Variants in NOS1AP observed in about 807,000 individuals in gnomAD.
The protein encoded by NOS1AP is nitric oxide synthase 1 adaptor protein, also known as carboxyl-terminal PDZ ligand of neuronal nitric oxide synthase protein.
A neutral mutation model predicts 56.2 loss-of-function variants in NOS1AP; 21 were observed. The ratio of observed to expected loss-of-function variants is 0.37; its 90% CI spans 0.26 to 0.54. The LOEUF is 0.54. Among genes scored for constraint, NOS1AP ranks in the 20% least tolerant of loss-of-function variants. NOS1AP has a pLI of 0.84. For synonymous variants in NOS1AP, 270 were observed against 274.6 expected (o/e 0.98, Z 0.17); for missense variants, 522 against 657.8 (o/e 0.79, Z 2.26).
rs1016398400 is a variant in NOS1AP at position 162,191,015 on chromosome 1, C to T, written c.177+36539C>T. On this transcript the variant is annotated intron_variant, in intron 2 of 9. Coordinates refer to ENST00000361897, the MANE Select transcript of NOS1AP (RefSeq NM_014697.3). ...TTTTCCAGAAGCAATGGCTCCCTAT[C>T]GTGTTACTTTTCTAGAGTCCTGAAT... is the stretch of plus-strand genomic sequence containing the variant. 5.9e-5 allele frequency among the ~76,000 whole-genome samples: 9 copies of T among 152,064 alleles called. 1 individual carries two copies. In the South Asian group the frequency reaches 1.7e-3, roughly 28 times the overall value.
intron 2 of NOS1AP, among the ~76,000 whole-genome samples, chr1:162,243,537 T>A (rs1174580010): frequency 6.6e-6 from 1 of 152,180 alleles, no homozygotes; most frequent in East Asian, 1.9e-4. Flanking sequence ...TCCTTTCAAA[T>A]CGGTCTGCCT....
intron 2 of NOS1AP, among the ~76,000 whole-genome samples, chr1:162,239,610 G>A (rs758431314): frequency 2.2e-4 from 34 of 152,244 alleles, no homozygotes; most frequent in Middle Eastern, 3.4e-3. Flanking sequence ...CCAAGTGCTG[G>A]GCTGTGAGTC....
chr1:162,135,048 C>A (rs1387836639), intron 1 of NOS1AP, among the ~76,000 whole-genome samples: 1 of 152,198 alleles, frequency 6.6e-6, no homozygotes, highest in Non-Finnish European at 1.5e-5. Context: ...CCTTCAAGTT[C>A]AAAAATTATC....
intron 8 of NOS1AP, among the ~76,000 whole-genome samples, chr1:162,362,106 TG>T (rs1657923654): frequency 6.6e-6 from 1 of 152,198 alleles, no homozygotes; most frequent in East Asian, 1.9e-4. Context: ...GCTCCTGGTC[TG>T]GTGCATTCAA....
rs1426113310 is a variant in NOS1AP at position 162,365,487 on chromosome 1, G to A, written c.1023G>A (p.Gln341=). ...AQARVHQLLL[Q]NKDMLQHISL... Reference sequence around the variant, plus strand: ...CTCGCGTGCATCAGCTTTTGCTGCAGAACAAGGACATGCTCCAGCACATCT... The same window carrying A: ...CTCGCGTGCATCAGCTTTTGCTGCAAAACAAGGACATGCTCCAGCACATCT... Residue 341 remains glutamine (Q), a synonymous_variant, in exon 9 of 10, where the codon CAG becomes CAA. Transcript: ENST00000361897. 30 of 1,613,846 alleles carry A rather than the reference G, an allele frequency of 1.9e-5. No individual in the cohort carries two copies. In the Admixed American group the frequency reaches 4.7e-4, roughly 25 times the overall value.
In NOS1AP at chr1:162,339,287, A is replaced by G. The variant is rs532500873; in HGVS notation, c.454-4548A>G. 2.6e-5 allele frequency among the ~76,000 whole-genome samples: 4 copies of G among 152,316 alleles called. No homozygotes were observed. In the South Asian group the frequency reaches 8.3e-4, roughly 32 times the overall value. ...CCACAAATGCTTTTGGGCTGCTAATAGAAAATGGCTTTTGGACGAGAAGAT... is the reference window on the plus strand; with the variant it reads ...CCACAAATGCTTTTGGGCTGCTAATGGAAAATGGCTTTTGGACGAGAAGAT... On this transcript the variant is annotated intron_variant, in intron 5 of 9. Coordinates refer to ENST00000361897, the MANE Select transcript of NOS1AP (RefSeq NM_014697.3).
At chr1:162,191,737 T>C (rs1651653985) in intron 2 of NOS1AP, among the ~76,000 whole-genome samples, 1 of 141,970 alleles carries the variant, frequency 7.0e-6, no homozygotes, top group Non-Finnish European at 1.6e-5. Context: ...AGTTGACCTC[T>C]TTGTGTTTGT....
intron 2 of NOS1AP, among the ~76,000 whole-genome samples, chr1:162,198,129 G>A (rs1174310961): frequency 6.6e-6 from 1 of 152,218 alleles, no homozygotes; most frequent in East Asian, 1.9e-4. Context: ...GATGGGCACA[G>A]GGTGTAGGAG....
In NOS1AP at chr1:162,070,100, A is replaced by C. The variant is rs1402315091; in HGVS notation, c.-78A>C. ...GCCACGCGTCGCCGCGCCCAGCTCC[A>C]GTCTCCCCTCCCCGGGGTCTCGCCA... On this transcript the variant is annotated 5_prime_UTR_variant, in exon 1 of 10. Coordinates refer to ENST00000361897, the MANE Select transcript of NOS1AP (RefSeq NM_014697.3). 21 of 1,186,224 alleles carry C rather than the reference A, an allele frequency of 1.8e-5. No homozygotes were observed. The South Asian group carries it at 2.6e-4, about 15-fold the overall frequency. 73.5% of individuals were successfully genotyped at this position (1,186,224 alleles called of 1,614,324 possible). A position where few individuals can be genotyped will look rare whatever the true frequency, so the allele number is the denominator to read the frequency against.
At chr1:162,277,849 C>T (rs1038191072) in intron 2 of NOS1AP, among the ~76,000 whole-genome samples, 67 of 152,188 alleles carry the variant, frequency 4.4e-4, no homozygotes, top group African/African-American at 1.5e-3. Context: ...ATAGTGATTT[C>T]ATCCAGATAT....
At chr1:162,180,995 T>C (rs892827489) in intron 2 of NOS1AP, among the ~76,000 whole-genome samples, 2 of 152,244 alleles carry the variant, frequency 1.3e-5, no homozygotes, top group African/African-American at 4.8e-5. Flanking sequence ...ATCCTCAAGG[T>C]CTATCAGCCA....
At chr1:162,281,550 C>T (rs1462620289) in intron 2 of NOS1AP, among the ~76,000 whole-genome samples, 1 of 152,148 alleles carries the variant, frequency 6.6e-6, no homozygotes, top group Non-Finnish European at 1.5e-5. Flanking sequence ...CGGGAGTTGG[C>T]TTCACTGTGT....
At chr1:162,097,211 T>C (rs912489316) in intron 1 of NOS1AP, among the ~76,000 whole-genome samples, 1 of 152,188 alleles carries the variant, frequency 6.6e-6, no homozygotes, top group Non-Finnish European at 1.5e-5. Flanking sequence ...TTCCCTCTTA[T>C]GCGATTGCCT....
At chr1:162,221,104 T>C (rs1652753059) in intron 2 of NOS1AP, among the ~76,000 whole-genome samples, 1 of 152,050 alleles carries the variant, frequency 6.6e-6, no homozygotes, top group African/African-American at 2.4e-5. Flanking sequence ...ACCATGCCCA[T>C]TAATTTTTGT....
chr1:162,179,327 C>T (rs1370474269), intron 2 of NOS1AP, among the ~76,000 whole-genome samples: 1 of 152,054 alleles, frequency 6.6e-6, no homozygotes, highest in East Asian at 1.9e-4. Flanking sequence ...GTAACCTGCC[C>T]TGAGTTACAC....
intron 2 of NOS1AP, among the ~76,000 whole-genome samples, chr1:162,275,185 G>GT (rs1278524832): frequency 2.0e-5 from 3 of 151,976 alleles, no homozygotes; most frequent in Non-Finnish European, 4.4e-5. Context: ...TTTCTGTTTT[G>GT]TTTTTTGTTT....
At chr1:162,159,022 C>T (rs188575286) in intron 2 of NOS1AP, among the ~76,000 whole-genome samples, 54 of 152,280 alleles carry the variant, frequency 3.5e-4, no homozygotes, top group Admixed American at 1.7e-3. Context: ...ACACTGGCGC[C>T]GCTTGCTTGG....
At chr1:162,213,506 GA>G (rs1652441869) in intron 2 of NOS1AP, among the ~76,000 whole-genome samples, 1 of 152,220 alleles carries the variant, frequency 6.6e-6, no homozygotes, top group South Asian at 2.1e-4. Flanking sequence ...GTGCTTTAGA[GA>G]AAGAAGGATG....
At chr1:162,349,161 T>A (rs1002458428) in intron 6 of NOS1AP, among the ~76,000 whole-genome samples, 1 of 150,448 alleles carries the variant, frequency 6.6e-6, no homozygotes, top group Non-Finnish European at 1.5e-5. Context: ...CACTCCAGCC[T>A]GGGCAACAAG....
Sources: gnomAD v4.1 joint callset for allele counts (sites outside exome capture counted in the v4.1 genomes callset) on GRCh38, gnomAD v4.1.1 for gene constraint, MANE v1.5 for transcripts, NCBI Gene and HGNC (gene_info 2026-07-23, HGNC 2026-07-21) for gene names.